Variants in DDX10 observed in about 807,000 individuals in gnomAD.
DDX10 encodes probable ATP-dependent RNA helicase DDX10.
Under a neutral mutation model 104.3 loss-of-function variants are expected in DDX10, and 74 were observed. That is an observed-to-expected ratio of 0.71 (90% CI 0.59 to 0.86). The LOEUF (loss-of-function observed/expected upper bound fraction) is 0.86, where lower values mean the gene tolerates loss of function less well. Ranked by LOEUF, DDX10 falls within the 40% of genes least tolerant of loss-of-function variation. DDX10 has a pLI of 0.00. For synonymous variants in DDX10, 351 were observed against 353.4 expected, an observed-to-expected ratio of 0.99 and a Z score of 0.08; for missense variants, 952 against 1,040.0, an observed-to-expected ratio of 0.92 and a Z score of 1.16.
chr11:108,902,448 G>A (rs943878608), intron 16 of DDX10, among the ~76,000 whole-genome samples: 13 of 152,128 alleles, frequency 8.5e-5, no homozygotes, highest in African/African-American at 3.1e-4. Flanking sequence ...AACGTACTGG[G>A]ATTTCTTCCC....
intron 7 of DDX10, 87 bp downstream of exon 7, chr11:108,689,149 C>T (rs764868857): frequency 5.6e-6 from 8 of 1,418,790 alleles, no homozygotes; most frequent in South Asian, 3.7e-5. Flanking sequence ...TTATATTGTA[C>T]GAGAAGTACA....
At chr11:108,881,711 T>C (rs1414552543) in intron 16 of DDX10, among the ~76,000 whole-genome samples, 2 of 152,154 alleles carry the variant, frequency 1.3e-5, no homozygotes, top group African/African-American at 2.4e-5. Flanking sequence ...TGCACATGTT[T>C]AGGGTAGGGT....
At chr11:108,853,491 T>G (rs1452654975) in intron 16 of DDX10, among the ~76,000 whole-genome samples, 2 of 152,176 alleles carry the variant, frequency 1.3e-5, no homozygotes, top group African/African-American at 4.8e-5. Flanking sequence ...TGTATATATA[T>G]TACTAAATAT....
chr11:108,940,480 A>G lies in DDX10; in HGVS notation c.*57A>G, dbSNP rs1864095274. On this transcript the variant is annotated 3_prime_UTR_variant, in exon 18 of 18. Coordinates refer to ENST00000322536, the MANE Select transcript of DDX10 (RefSeq NM_004398.4). ...CTTGGTTATGACTGCGTAGGCAAGA[A>G]GTTGAAAAACAGTTGATTTGGGGGC... 2.2e-5 allele frequency: 35 copies of G among 1,577,136 alleles called. No homozygotes were observed. Among genetic ancestry groups the G allele is most frequent in the Non-Finnish European group, 3.0e-5 (35 of 1,160,622 alleles).
Position 108,838,484 on chromosome 11 carries a change from G to T in DDX10, c.2004G>T (p.Met668Ile), listed in dbSNP as rs755076845. Residue 668 changes from methionine to isoleucine, a missense_variant, in exon 14 of 18, where the codon ATG (methionine) becomes ATT (isoleucine). Physicochemically the swap from Met to Ile is conservative, Grantham distance 10 (BLOSUM62 1). Coordinates refer to ENST00000322536, the MANE Select transcript of DDX10 (RefSeq NM_004398.4). ...EPSKSSIKKK[M>I]TKVAEAKKVM... ...CTAAATCCAGCATCAAGAAAAAAAT[G>T]ACCAAAGTTGCAGAAGCAAAAAAAG... 5.0e-6 allele frequency: 8 copies of T among 1,612,636 alleles called. No homozygotes were observed. The highest frequency in any genetic ancestry group is 1.1e-5 in the South Asian group (1 of 90,806).
At chr11:108,770,376 G>A (rs1591813668) in intron 13 of DDX10, among the ~76,000 whole-genome samples, 1 of 151,496 alleles carries the variant, frequency 6.6e-6, no homozygotes, top group Non-Finnish European at 1.5e-5. Context: ...TCAAATAGTA[G>A]GTCTTATTCA....
At chr11:108,753,435 C>T (rs1048600173) in intron 13 of DDX10, among the ~76,000 whole-genome samples, 1 of 152,018 alleles carries the variant, frequency 6.6e-6, no homozygotes, top group Non-Finnish European at 1.5e-5. Context: ...GAAGCAACAG[C>T]ATGGTACATA....
intron 13 of DDX10, among the ~76,000 whole-genome samples, chr11:108,760,572 A>G (rs866752159): frequency 1.3e-5 from 2 of 152,100 alleles, no homozygotes; most frequent in African/African-American, 4.8e-5. Context: ...TTTGGTGAAT[A>G]ATTTCCTTTA....
chr11:108,779,573 T>C (rs1442581773), intron 13 of DDX10, among the ~76,000 whole-genome samples: 2 of 152,044 alleles, frequency 1.3e-5, no homozygotes, highest in South Asian at 2.1e-4. Flanking sequence ...TTAGGAGATA[T>C]ACCTAATGTA....
At chr11:108,822,902 C>T (rs546321656) in intron 13 of DDX10, among the ~76,000 whole-genome samples, 11 of 152,246 alleles carry the variant, frequency 7.2e-5, no homozygotes, top group South Asian at 4.1e-4. Context: ...TATTGCTTCT[C>T]GGCTATTTGG....
intron 13 of DDX10, among the ~76,000 whole-genome samples, chr11:108,829,242 C>T (rs1862437958): frequency 6.6e-6 from 1 of 152,208 alleles, no homozygotes; most frequent in Non-Finnish European, 1.5e-5. Flanking sequence ...TCTCTTTTCA[C>T]TGCATCCATG....
intron 13 of DDX10, among the ~76,000 whole-genome samples, chr11:108,820,752 T>C (rs1168289078): frequency 6.6e-6 from 1 of 152,226 alleles, no homozygotes; most frequent in Non-Finnish European, 1.5e-5. Context: ...TGGTTCCAGC[T>C]CATGGTCTAG....
chr11:108,800,618 A>G (rs1319252049), intron 13 of DDX10, among the ~76,000 whole-genome samples: 1 of 152,206 alleles, frequency 6.6e-6, no homozygotes, highest in Admixed American at 6.5e-5. Flanking sequence ...TGGAACCTCC[A>G]GTGCCACATT....
intron 13 of DDX10, among the ~76,000 whole-genome samples, chr11:108,825,542 A>T (rs979371175): frequency 6.6e-6 from 1 of 152,226 alleles, no homozygotes; most frequent in Non-Finnish European, 1.5e-5. Context: ...GTTTGAACAC[A>T]GCTGAGATCA....
At chr11:108,820,733 C>T (rs1055561916) in intron 13 of DDX10, among the ~76,000 whole-genome samples, 6 of 152,266 alleles carry the variant, frequency 3.9e-5, no homozygotes, top group Admixed American at 2.6e-4. Flanking sequence ...CTGGGAAAGA[C>T]GATGGGAATG....
chr11:108,867,254 G>A lies in DDX10; in HGVS notation c.2304+15045G>A, dbSNP rs910698173. Among the ~76,000 whole-genome samples, 128 of 152,156 alleles carry A rather than the reference G, an allele frequency of 8.4e-4. 2 individuals carry two copies. Among genetic ancestry groups the A allele is most frequent in the Non-Finnish European group, 2.1e-4 (14 of 68,008 alleles). ...TAATAAGTAGTTTGAGCTATATATAGTAAGCAGTAGTCACTGAAGAGTTGA... is the reference window on the plus strand; with the variant it reads ...TAATAAGTAGTTTGAGCTATATATAATAAGCAGTAGTCACTGAAGAGTTGA... On this transcript the variant is annotated intron_variant, in intron 16 of 17. Transcript: ENST00000322536.
chr11:108,916,452 G>C (rs1591124505), intron 16 of DDX10, among the ~76,000 whole-genome samples: 3 of 151,742 alleles, frequency 2.0e-5, no homozygotes, highest in East Asian at 3.9e-4. Context: ...AGGGACTTTT[G>C]CAGTGGTGAC....
At chr11:108,774,206 C>T (rs1483718305) in intron 13 of DDX10, among the ~76,000 whole-genome samples, 1 of 152,154 alleles carries the variant, frequency 6.6e-6, no homozygotes. Context: ...ATACGTTTTG[C>T]CTTGGTTTAT....
At chr11:108,880,123 T>C (rs1863207597) in intron 16 of DDX10, among the ~76,000 whole-genome samples, 1 of 152,202 alleles carries the variant, frequency 6.6e-6, no homozygotes, top group South Asian at 2.1e-4. Flanking sequence ...TCTCAGAGTT[T>C]TGTAAGCCAG....
Sources: allele counts gnomAD v4.1 joint callset (sites outside exome capture counted in the v4.1 genomes callset), GRCh38; gene constraint gnomAD v4.1.1; transcripts MANE v1.5; gene names NCBI Gene and HGNC (gene_info 2026-07-23, HGNC 2026-07-21).